Variants in NEBL observed in about 807,000 individuals in gnomAD.
NEBL encodes nebulette.
A neutral mutation model predicts 140.2 loss-of-function variants in NEBL; 122 were observed. The ratio of observed to expected loss-of-function variants is 0.87; its 90% CI spans 0.75 to 1.01. NEBL has a LOEUF of 1.01. Among genes scored for constraint, NEBL ranks in the 50% least tolerant of loss-of-function variants. NEBL has a pLI of 0.00. For synonymous variants in NEBL, 436 were observed against 398.9 expected (o/e 1.09, Z -1.11); for missense variants, 1,365 against 1,231.3 (o/e 1.11, Z -1.62).
At chr10:21,053,005 G>C (rs1834843238) in intron 2 of NEBL, among the ~76,000 whole-genome samples, 1 of 152,332 alleles carries the variant, frequency 6.6e-6, no homozygotes. Context: ...AGCTAGAAGA[G>C]AAGATGTTCC....
intron 13 of NEBL, among the ~76,000 whole-genome samples, 166 bp from the exon 14 acceptor site, chr10:20,835,789 A>G (rs144357111): frequency 6.8e-4 from 103 of 152,338 alleles, no homozygotes; most frequent in African/African-American, 2.4e-3. Flanking sequence ...AACTGCTTAG[A>G]ATGATAATCT....
chr10:21,186,272 AC>A (rs1239765085), intron 3 of NEBL, among the ~76,000 whole-genome samples: 1 of 151,260 alleles, frequency 6.6e-6, no homozygotes, highest in African/African-American at 2.4e-5. Flanking sequence ...ACACACACAC[AC>A]ACACACACAC....
At position 20,781,214 on chromosome 10, in the gene NEBL, AATTAT is replaced by A. The variant is rs1268187021; in HGVS notation, c.*4528_*4532del. On this transcript the variant is annotated 3_prime_UTR_variant, in exon 28 of 28. Coordinates refer to ENST00000377122, the MANE Select transcript of NEBL (RefSeq NM_006393.3). ...TTAACAATTTGCATAACAAAAGCCA[AATTAT>A]ATTAGTAACATTGTAACATTCCGTG... 1 of 152,628 alleles carries A rather than the reference AATTAT, an allele frequency of 6.6e-6. No homozygotes were observed. Among genetic ancestry groups the A allele is most frequent in the African/African-American group, 2.4e-5 (1 of 41,436 alleles). 9.5% of individuals were successfully genotyped at this position (152,628 alleles called of 1,614,324 possible). A position where few individuals can be genotyped will look rare whatever the true frequency, so the allele number is the denominator to read the frequency against.
chr10:20,933,243 T>G (rs1834290717), intron 4 of NEBL, among the ~76,000 whole-genome samples: 1 of 152,168 alleles, frequency 6.6e-6, no homozygotes, highest in African/African-American at 2.4e-5. Flanking sequence ...TATAGTAAAT[T>G]TATAAATTGT....
chr10:21,244,677 T>C (rs1354593212), intron 3 of NEBL, among the ~76,000 whole-genome samples: 3 of 151,186 alleles, frequency 2.0e-5, no homozygotes, highest in Admixed American at 2.0e-4. Context: ...AAACTAAAAA[T>C]TTTTTTAAAA....
chr10:20,932,509 G>A (rs1834242492), intron 4 of NEBL, among the ~76,000 whole-genome samples: 1 of 152,150 alleles, frequency 6.6e-6, no homozygotes, highest in African/African-American at 2.4e-5. Context: ...GTTGATAGGT[G>A]CAGCAAACCA....
chr10:20,996,972 T>C (rs1226833745), intron 3 of NEBL, among the ~76,000 whole-genome samples: 1 of 152,150 alleles, frequency 6.6e-6, no homozygotes, highest in Non-Finnish European at 1.5e-5. Context: ...TGGATAACAG[T>C]TCATCATACA....
chr10:21,007,351 A>G (rs546256220), intron 3 of NEBL, among the ~76,000 whole-genome samples: 1 of 152,244 alleles, frequency 6.6e-6, no homozygotes, highest in African/African-American at 2.4e-5. Flanking sequence ...TACAGGAAGT[A>G]TGGAGGGTCC....
intron 2 of NEBL, among the ~76,000 whole-genome samples, chr10:21,073,897 A>AC (rs1336687562): frequency 6.6e-6 from 1 of 151,970 alleles, no homozygotes; most frequent in East Asian, 1.9e-4. Context: ...ACACGGTGAA[A>AC]CCCCGTCTCT....
At chr10:21,113,290 T>TAAAAAAAAAAAACAAAAA (rs1838123624) in intron 2 of NEBL, 1 of 116,782 alleles carries the variant, frequency 8.6e-6, no homozygotes, top group Non-Finnish European at 1.4e-5. Flanking sequence ...ATGAGAATCC[T>TAAAAAAAAAAAACAAAAA]AAAAAAAAAA....
intron 4 of NEBL, among the ~76,000 whole-genome samples, chr10:20,887,357 T>A (rs1846617942): frequency 6.6e-6 from 1 of 150,576 alleles, no homozygotes; most frequent in Admixed American, 6.6e-5. Context: ...GAAAAGGAAA[T>A]TCAGGAAACA....
At chr10:21,136,063 G>A (rs2132082205) in intron 2 of NEBL, among the ~76,000 whole-genome samples, 1 of 152,274 alleles carries the variant, frequency 6.6e-6, no homozygotes. Flanking sequence ...CAACCTCACA[G>A]AAGCCACAGG....
chr10:21,061,004 A>G (rs889454505), intron 2 of NEBL, among the ~76,000 whole-genome samples: 6 of 152,050 alleles, frequency 3.9e-5, no homozygotes, highest in African/African-American at 1.4e-4. Context: ...TTGAAGTCCT[A>G]ACACCAGGTG....
At chr10:21,237,059 C>T (rs1043191933) in intron 3 of NEBL, among the ~76,000 whole-genome samples, 8 of 152,216 alleles carry the variant, frequency 5.3e-5, no homozygotes, top group African/African-American at 1.2e-4. Context: ...TGATCACTTA[C>T]ACTCCTTGAA....
intron 3 of NEBL, among the ~76,000 whole-genome samples, chr10:21,230,752 C>T (rs1270066189): frequency 6.6e-6 from 1 of 151,852 alleles, no homozygotes; most frequent in Non-Finnish European, 1.5e-5. Context: ...TTAAAGGCAC[C>T]CACCGCCAAG....
In NEBL at chr10:21,015,165, C is replaced by T. The variant is rs111805825; in HGVS notation, c.249+4952G>A. ...TTGTTTTGTCTTCATTTTAAGCAGC[C>T]TTTTTCAAAACCATGCTCTACAGAA... On this transcript the variant is annotated intron_variant, in intron 3 of 6. Transcript: ENST00000417816. Among the ~76,000 whole-genome samples, 322 of 152,108 alleles carry T rather than the reference C, an allele frequency of 2.1e-3. 1 individual carries two copies. The highest frequency in any genetic ancestry group is 7.3e-3 in the African/African-American group (302 of 41,472).
At chr10:21,072,148 G>C (rs1220614027) in intron 2 of NEBL, among the ~76,000 whole-genome samples, 1 of 151,980 alleles carries the variant, frequency 6.6e-6, no homozygotes, top group Non-Finnish European at 1.5e-5. Context: ...GGTTCTGAAA[G>C]AGAATCGGTT....
In NEBL at chr10:20,879,574, C is replaced by T. The variant is rs1845827152; in HGVS notation, c.480+1220G>A. On this transcript the variant is annotated intron_variant, in intron 5 of 27. Transcript: ENST00000377122. Reference sequence around the variant, plus strand: ...GCAATTTAATATCAAATAACAGTTGCCGTTCTGCGGAAAACACTCTGCACA... The same window carrying T: ...GCAATTTAATATCAAATAACAGTTGTCGTTCTGCGGAAAACACTCTGCACA... 2.0e-5 allele frequency among the ~76,000 whole-genome samples: 3 copies of T among 152,136 alleles called. No homozygotes were observed. In the South Asian group the frequency reaches 6.2e-4, roughly 32 times the overall value.
chr10:20,963,636 C>T (rs1378488786), intron 3 of NEBL, among the ~76,000 whole-genome samples: 1 of 152,116 alleles, frequency 6.6e-6, no homozygotes, highest in East Asian at 1.9e-4. Context: ...CTCAAGTGAT[C>T]CTCCTACCTT....
Sources: allele counts gnomAD v4.1 joint callset (sites outside exome capture counted in the v4.1 genomes callset), GRCh38; gene constraint gnomAD v4.1.1; transcripts MANE v1.5; gene names NCBI Gene and HGNC (gene_info 2026-07-23, HGNC 2026-07-21).